Variants in TESPA1 observed in about 807,000 individuals in gnomAD.
TESPA1 encodes the protein protein TESPA1.
TESPA1 carries 33 observed loss-of-function variants against 57.9 expected under a neutral mutation model. The ratio of observed to expected loss-of-function variants is 0.57; its 90% CI spans 0.43 to 0.76. The LOEUF is 0.76. TESPA1 is among the 30% of genes least tolerant of loss of function. The pLI is 0.00. For synonymous variants in TESPA1, 227 were observed against 228.9 expected, an observed-to-expected ratio of 0.99 and a Z score of 0.07; for missense variants, 618 against 632.9, an observed-to-expected ratio of 0.98 and a Z score of 0.25.
Position 54,984,627 on chromosome 12 carries a change from C to G in TESPA1, c.-88G>C, listed in dbSNP as rs1045548911. On this transcript the variant is annotated 5_prime_UTR_variant, in exon 1 of 11. Coordinates refer to ENST00000449076, the MANE Select transcript of TESPA1 (RefSeq NM_001136030.3). ...GCTGAGTTTGAGGCAAAGCAGTTGT[C>G]GAAGCTGGGCCGAGGCCTTCACAGG... is the stretch of plus-strand genomic sequence containing the variant. 6.6e-6 allele frequency: 1 copy of G among 152,330 alleles called. No homozygotes were observed. Among genetic ancestry groups the G allele is most frequent in the Non-Finnish European group, 1.5e-5 (1 of 68,134 alleles). The allele number at this position is 152,330 out of a possible 1,614,324, so 9.4% of individuals were successfully genotyped here.
rs575384174 is a variant in TESPA1, at chr12:54,967,911, T to C, written c.207-19A>G. The C allele has an allele frequency of 3.7e-6, 6 of 1,613,440 alleles. No individual in the cohort carries two copies. Among genetic ancestry groups the C allele is most frequent in the South Asian group, 2.2e-5 (2 of 91,074 alleles). ...AGAGTATCTAAACCAAAAACAGTCT[T>C]ATAGGTTGAAGTCACTTACTACATT... On this transcript the variant is annotated intron_variant, in intron 3 of 10. Transcript: ENST00000449076.
intron 3 of TESPA1, 131 bp downstream of exon 3, chr12:54,973,346 A>G (rs1592408184): frequency 7.5e-7 from 1 of 1,340,164 alleles, no homozygotes; most frequent in South Asian, 1.3e-5. Context: ...TCCAACCACC[A>G]TCTCAACCTT....
At chr12:54,969,046 T>TATATATATATATAA in intron 3 of TESPA1, among the ~76,000 whole-genome samples, 2 of 124,470 alleles carry the variant, frequency 1.6e-5, no homozygotes, top group East Asian at 9.2e-4. Context: ...TATATATATA[T>TATATATATATATAA]GTGTGTGTGT....
chr12:54,968,105 TTTTAG>T, intron 3 of TESPA1: 7 of 1,203,726 alleles, frequency 5.8e-6, no homozygotes, highest in African/African-American at 1.5e-5. Flanking sequence ...ATGCACTATA[TTTTAG>T]ATTGTGCTTC....
chr12:54,956,504 A>G (rs1950744559), intron 10 of TESPA1, among the ~76,000 whole-genome samples: 1 of 152,178 alleles, frequency 6.6e-6, no homozygotes, highest in African/African-American at 2.4e-5. Flanking sequence ...AGGGCTGTGA[A>G]TTTGACATTT....
Position 54,982,076 on chromosome 12 carries a change from G to A in TESPA1, c.-46+2509C>T, listed in dbSNP as rs1479066735. The A allele has an allele frequency of 5.9e-5, 9 of 152,200 alleles. 1 individual carries two copies. The highest frequency in any genetic ancestry group is 2.6e-4 in the Admixed American group (4 of 15,288). 9.4% of individuals were successfully genotyped at this position (152,200 alleles called of 1,614,324 possible). ...TACATCATTACCATCGCAGAGCTGCGGGAAATCCCAGAGTAGCTAACATTT... is the reference window on the plus strand; with the variant it reads ...TACATCATTACCATCGCAGAGCTGCAGGAAATCCCAGAGTAGCTAACATTT... On this transcript the variant is annotated intron_variant, in intron 1 of 10. Coordinates refer to ENST00000449076, the MANE Select transcript of TESPA1 (RefSeq NM_001136030.3).
intron 4 of TESPA1, among the ~76,000 whole-genome samples, 163 bp from the exon 5 acceptor site, chr12:54,967,399 G>C (rs930964724): frequency 3.3e-5 from 5 of 149,530 alleles, no homozygotes; most frequent in African/African-American, 5.0e-5. Context: ...ACCACAAACT[G>C]TACATATATC....
chr12:54,963,597 A>C (rs1482934490), intron 8 of TESPA1, 145 bp downstream of exon 8: 2 of 933,124 alleles, frequency 2.1e-6, no homozygotes, highest in African/African-American at 3.3e-5. Context: ...CTCCATCTTC[A>C]CTGAAGACAA....
intron 5 of TESPA1, among the ~76,000 whole-genome samples, chr12:54,966,649 C>T (rs1417729285): frequency 6.6e-6 from 1 of 152,130 alleles, no homozygotes; most frequent in Non-Finnish European, 1.5e-5. Context: ...ACCCTATGAA[C>T]TTCTGACCCA....
At chr12:54,966,362 T>G (rs1951431772) in intron 6 of TESPA1, 26 bp downstream of exon 6, 11 of 1,613,902 alleles carry the variant, frequency 6.8e-6, no homozygotes, top group Non-Finnish European at 8.5e-6. Flanking sequence ...GAGACATCAT[T>G]CACCCTGGCT....
intron 10 of TESPA1, among the ~76,000 whole-genome samples, chr12:54,952,246 C>T (rs946137709): frequency 1.3e-5 from 2 of 152,228 alleles, no homozygotes; most frequent in African/African-American, 4.8e-5. Context: ...GTCCCTCAAC[C>T]TTGGACTTCC....
intron 1 of TESPA1, among the ~76,000 whole-genome samples, chr12:54,980,957 C>CTTCTTT (rs147507904): frequency 0.016 from 2,504 of 152,024 alleles, 58 homozygotes; most frequent in African/African-American, 0.057. Context: ...ACCTAAGTTT[C>CTTCTTT]TTCTTTTTCT....
Position 54,962,761 on chromosome 12 carries a change from G to C in TESPA1, c.1137C>G (p.Ser379=), listed in dbSNP as rs777177659. 6.2e-7 allele frequency: 1 copy of C among 1,613,882 alleles called. No homozygotes were observed. The highest frequency in any genetic ancestry group is 8.5e-7 in the Non-Finnish European group (1 of 1,179,872). ...QQRMSTVLAP[S]QTLDSNPKVP... is the part of the protein sequence containing the mutation. ...CCTTGGGGTTCGAATCCAGAGTTTG[G>C]GATGGTGCTAGCACTGTGGACATCC... Residue 379 remains serine, a synonymous_variant, in exon 9 of 11, where the codon TCC becomes TCG. Transcript: ENST00000449076.
chr12:54,967,761 G>T, intron 4 of TESPA1, 82 bp downstream of exon 4: 1 of 1,518,016 alleles, frequency 6.6e-7, no homozygotes, highest in Non-Finnish European at 9.1e-7. Flanking sequence ...ATGTATATGT[G>T]CATAAACACT....
intron 2 of TESPA1, among the ~76,000 whole-genome samples, chr12:54,974,112 C>T (rs1952015109): frequency 1.3e-5 from 2 of 152,164 alleles, no homozygotes; most frequent in African/African-American, 4.8e-5. Context: ...ATAGAAACAC[C>T]CCAAAGCATT....
At chr12:54,976,032 C>T (rs1269831480) in intron 1 of TESPA1, among the ~76,000 whole-genome samples, 2 of 152,222 alleles carry the variant, frequency 1.3e-5, no homozygotes, top group African/African-American at 4.8e-5. Flanking sequence ...GGGCACGTGG[C>T]TCTTTGTCTA....
chr12:54,983,471 A>G (rs1401835788), intron 1 of TESPA1, among the ~76,000 whole-genome samples: 1 of 152,050 alleles, frequency 6.6e-6, no homozygotes, highest in East Asian at 1.9e-4. Flanking sequence ...CTGAACAACT[A>G]TTGAGTCTGA....
chr12:54,982,467 A>G (rs568731700), intron 1 of TESPA1, among the ~76,000 whole-genome samples: 1 of 152,246 alleles, frequency 6.6e-6, no homozygotes, highest in Admixed American at 6.5e-5. Flanking sequence ...AAAGAAGACC[A>G]TCTAAGACCT....
chr12:54,962,672 A>G lies in TESPA1; in HGVS notation c.1226T>C (p.Ile409Thr), dbSNP rs779828908. The change falls in exon 9 of 11, where the codon ATA becomes ACA. Residue 409 changes from isoleucine (I) to threonine (T), a missense_variant. Physicochemically the swap from Ile to Thr is moderately conservative, Grantham distance 89. Coordinates refer to ENST00000449076, the MANE Select transcript of TESPA1 (RefSeq NM_001136030.3). ...DPQWSTDPAQ[I>T]RRELCSLPAT... Reference sequence around the variant, plus strand: ...TGGTAGACTACACAGCTCTCTCCTTATCTGAGCTGGGTCTGTGCTCCACTG... The same window carrying G: ...TGGTAGACTACACAGCTCTCTCCTTGTCTGAGCTGGGTCTGTGCTCCACTG... The G allele has an allele frequency of 6.2e-7, 1 of 1,613,688 alleles. No homozygotes were observed. The highest frequency in any genetic ancestry group is 8.5e-7 in the Non-Finnish European group (1 of 1,179,826).
Sources: gnomAD v4.1 joint callset for allele counts (sites outside exome capture counted in the v4.1 genomes callset) on GRCh38, gnomAD v4.1.1 for gene constraint, MANE v1.5 for transcripts, NCBI Gene and HGNC (gene_info 2026-07-23, HGNC 2026-07-21) for gene names.